The following USP35 variants were observed in gnomAD, a reference collection of about 807,000 sequenced individuals.
USP35 encodes ubiquitin specific peptidase 35.
Under a neutral mutation model 83.8 loss-of-function variants are expected in USP35, and 69 were observed. That is an observed-to-expected ratio of 0.82 (90% CI 0.68 to 1.01). The LOEUF is 1.01. USP35 is among the 50% of genes least tolerant of loss of function. The probability of loss-of-function intolerance (pLI) is 0.00; values close to 1 mark genes in which losing one functional copy is unlikely to be tolerated. For missense variants in USP35, 1,503 were observed against 1,362.5 expected (o/e 1.10, Z -1.62); for synonymous variants, 714 against 589.5 (o/e 1.21, Z -3.06).
At chr11:78,230,673 G>A in the USP35 span, among the ~76,000 whole-genome samples, 8 of 152,242 alleles carry the variant, frequency 5.3e-5, no homozygotes. Context: ...CACATGTTGA[G>A]GGAGACTGAT....
downstream of USP35, chr11:78,216,475 T>G (rs1220662864): frequency 2.6e-5 from 4 of 152,092 alleles, no homozygotes. Flanking sequence ...GGCTGGTAGT[T>G]TGGGGCCTGT....
chr11:78,213,248 C>T (rs116193388), intron 10 of USP35, among the ~76,000 whole-genome samples: 2,465 of 152,236 alleles, frequency 0.016, 69 homozygotes, highest in African/African-American at 0.056. Context: ...GGGTAAGGAT[C>T]GCCATGAGGC....
intron 3 of USP35, chr11:78,198,599 A>G: frequency 2.0e-6 from 2 of 985,248 alleles, no homozygotes; most frequent in Non-Finnish European, 2.4e-6. Flanking sequence ...GCCTATGCAG[A>G]CCCCGTCCAC....
chr11:78,223,489 G>C, the USP35 span: 1 of 1,609,448 alleles, frequency 6.2e-7, no homozygotes, highest in Non-Finnish European at 8.5e-7. Flanking sequence ...TCGGTGCACA[G>C]GAAGGGTTGT....
the USP35 span, chr11:78,226,549 T>C: frequency 4.5e-5 from 63 of 1,412,144 alleles, no homozygotes; most frequent in East Asian, 1.9e-3. Context: ...TTTTCACTGA[T>C]TGGCGGTCTC....
At chr11:78,231,336 G>GT in the USP35 span, among the ~76,000 whole-genome samples, 61 of 145,896 alleles carry the variant, frequency 4.2e-4, no homozygotes, top group South Asian at 1.3e-3. Flanking sequence ...GCGCGTGTGT[G>GT]GTGTGTGTGT....
chr11:78,196,462 C>A lies in USP35; in HGVS notation c.217C>A (p.Pro73Thr). Residue 73 changes from proline to threonine, a missense_variant, in exon 2 of 11, where the codon CCC becomes ACC. Transcript: ENST00000529308. The surrounding 1 kb of genome is among the most constrained non-coding windows in gnomAD (Gnocchi z 4.8). ...QLLHVAGRHH[P>T]DVFAEFFSAR... The stretch of plus-strand genomic sequence containing the variant: ...GCTGCACGTGGCCGGCCGCCACCAC[C>A]CCGACGTCTTCGCCGAGTTCTTCAG... 1 of 1,253,282 alleles carries A rather than the reference C, an allele frequency of 8.0e-7. No homozygotes were observed. The allele number at this position is 1,253,282 out of a possible 1,614,324, so 77.6% of individuals were successfully genotyped here.
At chr11:78,202,833 A>T (rs1237939852) in intron 6 of USP35, among the ~76,000 whole-genome samples, 1 of 152,108 alleles carries the variant, frequency 6.6e-6, no homozygotes, top group African/African-American at 2.4e-5. Context: ...GAAAGCTTGG[A>T]GATTCTGTGG....
chr11:78,211,130 T>G, intron 10 of USP35, among the ~76,000 whole-genome samples: 1 of 128,532 alleles, frequency 7.8e-6, no homozygotes, highest in Non-Finnish European at 1.7e-5. Flanking sequence ...TGGGTGTTGG[T>G]CCCCTCCCAC....
chr11:78,216,412 T>C (rs1440954687), downstream of USP35: 3 of 152,196 alleles, frequency 2.0e-5, no homozygotes, highest in Admixed American at 2.0e-4. Context: ...TCAACTGAGT[T>C]GACTCCTTTG....
chr11:78,199,740 C>T lies in USP35; in HGVS notation c.936+16C>T, dbSNP rs1424787686. On this transcript the variant is annotated intron_variant, in intron 4 of 10. Transcript: ENST00000529308. ...AATTGAGAAGGTTGGTGCCCCTGTC[C>T]TAGCCCAGAGTTACAGCCTTTTGTA... The T allele has an allele frequency of 6.2e-7, 1 of 1,614,164 alleles. No individual in the cohort carries two copies. The highest frequency in any genetic ancestry group is 1.7e-5 in the Admixed American group (1 of 60,030).
At chr11:78,215,474 AAATT>A (rs756953639), downstream of USP35, 1 of 152,720 alleles carries the variant, frequency 6.5e-6, no homozygotes, top group Non-Finnish European at 1.5e-5. Flanking sequence ...ACAACAGAAT[AAATT>A]AATAACTTAA....
At chr11:78,206,395 C>A (rs1446880598) in intron 7 of USP35, among the ~76,000 whole-genome samples, 1 of 152,182 alleles carries the variant, frequency 6.6e-6, no homozygotes, top group Non-Finnish European at 1.5e-5. Context: ...TAAAATGAAA[C>A]AAACACAATC....
chr11:78,212,778 C>T (rs1863838719), intron 10 of USP35, among the ~76,000 whole-genome samples: 1 of 151,960 alleles, frequency 6.6e-6, no homozygotes, highest in Non-Finnish European at 1.5e-5. Flanking sequence ...TGCTTAACAG[C>T]TTAAGAAGCT....
At chr11:78,222,293 C>T in the USP35 span, 1 of 773,646 alleles carries the variant, frequency 1.3e-6, no homozygotes, top group Non-Finnish European at 2.3e-6. Flanking sequence ...TAAAGGCCTG[C>T]AAAGTCATTC....
Position 78,214,534 on chromosome 11 carries a change from T to A in USP35, c.*721T>A, listed in dbSNP as rs543249366. ...AAAGGTGTTCATGTTCCTTGTGAAG[T>A]GTGGGCTCTTAGGAAGCCTGTGGGC... On this transcript the variant is annotated 3_prime_UTR_variant, in exon 11 of 11. Transcript: ENST00000529308. 1 of 151,016 alleles carries A rather than the reference T, an allele frequency of 6.6e-6. No homozygotes were observed. The highest frequency in any genetic ancestry group is 2.1e-4 in the South Asian group (1 of 4,810). 9.4% of individuals were successfully genotyped at this position (151,016 alleles called of 1,614,324 possible).
At chr11:78,225,962 C>A in the USP35 span, among the ~76,000 whole-genome samples, 1 of 152,196 alleles carries the variant, frequency 6.6e-6, no homozygotes, top group African/African-American at 2.4e-5. Flanking sequence ...CAGTGGAAAA[C>A]AAGTAACAAT....
At chr11:78,231,436 C>T in the USP35 span, among the ~76,000 whole-genome samples, 1 of 152,146 alleles carries the variant, frequency 6.6e-6, no homozygotes, top group East Asian at 1.9e-4. Context: ...GCAACCTCCG[C>T]CTCCTGGGTT....
intron 8 of USP35, 26 bp from the exon 9 acceptor site, chr11:78,208,831 C>G: frequency 6.2e-7 from 1 of 1,613,192 alleles, no homozygotes; most frequent in Non-Finnish European, 8.5e-7. Flanking sequence ...TGCTCCTGAC[C>G]ATGCCTTTCG....
Sources: allele counts gnomAD v4.1 joint callset (sites outside exome capture counted in the v4.1 genomes callset), GRCh38; gene constraint gnomAD v4.1.1; non-coding constraint Gnocchi (gnomAD v3.1); transcripts MANE v1.5; gene names NCBI Gene and HGNC (gene_info 2026-07-23, HGNC 2026-07-21).